The following NEGR1 variants were observed in gnomAD, a reference collection of about 807,000 sequenced individuals.
The protein encoded by NEGR1 is IgLON family member 4.
Under a neutral mutation model 40.9 loss-of-function variants are expected in NEGR1, and 10 were observed. The ratio of observed to expected loss-of-function variants is 0.24; its 90% CI spans 0.15 to 0.42. The LOEUF (loss-of-function observed/expected upper bound fraction) is 0.42, where lower values mean the gene tolerates loss of function less well. Ranked by LOEUF, NEGR1 falls within the 10% of genes least tolerant of loss-of-function variation. The pLI, the probability that NEGR1 is intolerant of heterozygous loss-of-function variation, is 1.00. For missense variants in NEGR1, 352 were observed against 438.9 expected (o/e 0.80, Z 1.77); for synonymous variants, 185 against 166.8 (o/e 1.11, Z -0.84).
intron 1 of NEGR1, among the ~76,000 whole-genome samples, chr1:72,042,146 G>A (rs2100459027): frequency 6.6e-6 from 1 of 151,666 alleles, no homozygotes; most frequent in Non-Finnish European, 1.5e-5. Flanking sequence ...GCCAGAGAAA[G>A]AAAGAAGAGA....
Position 71,780,348 on chromosome 1 carries a change from C to G in NEGR1, c.410-4051G>C, listed in dbSNP as rs1229027392. 2.0e-5 allele frequency among the ~76,000 whole-genome samples: 3 copies of G among 152,204 alleles called. No homozygotes were observed. In the East Asian group the frequency reaches 5.8e-4, roughly 29 times the overall value. On this transcript the variant is annotated intron_variant, in intron 2 of 6. Coordinates refer to ENST00000357731, the MANE Select transcript of NEGR1 (RefSeq NM_173808.3). ...GTAAACTCATTTAATATGCTGGAAA[C>G]AATTATTATAATATCCTCACTATCT...
At chr1:71,869,255 T>C (rs774181083) in intron 2 of NEGR1, among the ~76,000 whole-genome samples, 4 of 152,288 alleles carry the variant, frequency 2.6e-5, no homozygotes, top group Admixed American at 2.6e-4. Context: ...AAATGAGTTA[T>C]TTAAGTCAAC....
chr1:72,266,678 T>A (rs1655649609), intron 1 of NEGR1, among the ~76,000 whole-genome samples: 1 of 146,256 alleles, frequency 6.8e-6, no homozygotes, highest in Non-Finnish European at 1.5e-5. Flanking sequence ...TACATAAAAA[T>A]CTAAAAAATG....
intron 6 of NEGR1, among the ~76,000 whole-genome samples, chr1:71,434,928 A>G (rs1414795962): frequency 1.3e-5 from 2 of 152,132 alleles, no homozygotes; most frequent in Non-Finnish European, 2.9e-5. Flanking sequence ...CGTCTCTACT[A>G]AAAATACAAA....
chr1:71,674,432 C>A (rs1275968046), intron 4 of NEGR1, among the ~76,000 whole-genome samples: 2 of 152,186 alleles, frequency 1.3e-5, no homozygotes, highest in African/African-American at 4.8e-5. Context: ...TTACAGCTTA[C>A]TGAACTATTC....
At chr1:71,979,301 C>G (rs997725329) in intron 1 of NEGR1, among the ~76,000 whole-genome samples, 1 of 151,984 alleles carries the variant, frequency 6.6e-6, no homozygotes, top group African/African-American at 2.4e-5. Context: ...TACAATGAAC[C>G]CCCACGGCAT....
chr1:71,610,337 T>A (rs1650212897), intron 5 of NEGR1, among the ~76,000 whole-genome samples: 1 of 152,214 alleles, frequency 6.6e-6, no homozygotes, highest in South Asian at 2.1e-4. Context: ...TTTGATCGAT[T>A]GATAACAGAA....
intron 6 of NEGR1, among the ~76,000 whole-genome samples, chr1:71,570,644 C>CTTA (rs150984543): frequency 0.011 from 1,602 of 148,032 alleles, 12 homozygotes; most frequent in African/African-American, 0.017. Context: ...ATACTGGGTC[C>CTTA]TTATTATTAT....
chr1:71,457,923 T>C (rs1265660566), intron 6 of NEGR1, among the ~76,000 whole-genome samples: 1 of 152,102 alleles, frequency 6.6e-6, no homozygotes, highest in African/African-American at 2.4e-5. Context: ...AGGATGGTCT[T>C]GATCTCGTGA....
chr1:71,402,416 A>G lies in NEGR1; in HGVS notation c.*5030T>C, dbSNP rs1193082925. 6.6e-6 allele frequency: 1 copy of G among 152,106 alleles called. No individual in the cohort carries two copies. Among genetic ancestry groups the G allele is most frequent in the Non-Finnish European group, 1.5e-5 (1 of 68,012 alleles). 9.4% of individuals were successfully genotyped at this position (152,106 alleles called of 1,614,324 possible). ...AGACTGAAGGAAAGCCCTGGGAGAG[A>G]TTGGTCTAGCTTTAGGATGACTGTG... On this transcript the variant is annotated 3_prime_UTR_variant, in exon 7 of 7. Coordinates refer to ENST00000357731, the MANE Select transcript of NEGR1 (RefSeq NM_173808.3).
At chr1:71,914,683 T>A (rs551444233) in intron 2 of NEGR1, among the ~76,000 whole-genome samples, 1 of 152,188 alleles carries the variant, frequency 6.6e-6, no homozygotes, top group Admixed American at 6.5e-5. Flanking sequence ...AAAGATAATG[T>A]TTTTTTCTTG....
chr1:72,006,553 C>T (rs1170875356), intron 1 of NEGR1, among the ~76,000 whole-genome samples: 1 of 152,164 alleles, frequency 6.6e-6, no homozygotes, highest in Non-Finnish European at 1.5e-5. Flanking sequence ...AGAGGTGCCA[C>T]ACTACAGATC....
chr1:71,904,924 A>G (rs1661235083), intron 2 of NEGR1, among the ~76,000 whole-genome samples: 1 of 152,150 alleles, frequency 6.6e-6, no homozygotes. Context: ...CTTGCTACAT[A>G]CAAAGCTTCC....
chr1:71,449,992 ATTTT>A (rs71783919), intron 6 of NEGR1, among the ~76,000 whole-genome samples: 1 of 139,224 alleles, frequency 7.2e-6, no homozygotes. Context: ...TTTTATATAG[ATTTT>A]TTTTTTTTTT....
chr1:71,508,181 T>C (rs1180163427), intron 6 of NEGR1, among the ~76,000 whole-genome samples: 1 of 152,078 alleles, frequency 6.6e-6, no homozygotes, highest in Admixed American at 6.5e-5. Flanking sequence ...TGACTTGGTG[T>C]TAATTAAAAC....
chr1:71,739,528 A>T (rs1655149548), intron 3 of NEGR1, among the ~76,000 whole-genome samples: 1 of 152,106 alleles, frequency 6.6e-6, no homozygotes, highest in African/African-American at 2.4e-5. Flanking sequence ...AAAACTAAAA[A>T]AAAAAAACCC....
At chr1:72,139,369 G>A (rs1425168488) in intron 1 of NEGR1, among the ~76,000 whole-genome samples, 1 of 151,288 alleles carries the variant, frequency 6.6e-6, no homozygotes, top group Non-Finnish European at 1.5e-5. Flanking sequence ...AGTGATGCAA[G>A]AAAATTAATG....
intron 3 of NEGR1, among the ~76,000 whole-genome samples, chr1:71,723,252 C>T (rs1457798868): frequency 6.6e-6 from 1 of 151,952 alleles, no homozygotes; most frequent in Admixed American, 6.6e-5. Context: ...GTATTTGTCC[C>T]CAGTTTCTGG....
intron 6 of NEGR1, among the ~76,000 whole-genome samples, chr1:71,472,836 A>G (rs1646790862): frequency 6.6e-6 from 1 of 152,056 alleles, no homozygotes; most frequent in South Asian, 2.1e-4. Context: ...GGCAGAAATA[A>G]AATTAAAAGT....
Sources: gnomAD v4.1 joint callset for allele counts (sites outside exome capture counted in the v4.1 genomes callset) on GRCh38, gnomAD v4.1.1 for gene constraint, MANE v1.5 for transcripts, NCBI Gene and HGNC (gene_info 2026-07-23, HGNC 2026-07-21) for gene names.